PPP2R5C: variants seen among roughly 807,000 people sequenced by gnomAD.
PPP2R5C encodes serine/threonine-protein phosphatase 2A 56 kDa regulatory subunit gamma isoform.
Under a neutral mutation model 68.9 loss-of-function variants are expected in PPP2R5C, and 7 were observed. The observed-to-expected ratio is 0.10, with a 90% CI of 0.06 to 0.19. The LOEUF is 0.19. PPP2R5C is among the 10% of genes least tolerant of loss of function. The pLI is 1.00. For synonymous variants in PPP2R5C, 210 were observed against 222.2 expected (o/e 0.95, Z 0.49); for missense variants, 348 against 641.3 (o/e 0.54, Z 4.94).
chr14:101,858,022 A>C (rs919585267), intron 2 of PPP2R5C, among the ~76,000 whole-genome samples: 2 of 152,046 alleles, frequency 1.3e-5, no homozygotes, highest in African/African-American at 4.8e-5. Context: ...GTTGTTTTTA[A>C]CTCTTAAAGT....
At position 101,816,894 on chromosome 14, in the gene PPP2R5C, AT is replaced by A. The variant is rs1192861590; in HGVS notation, c.94+6859del. 3.2e-3 allele frequency among the ~76,000 whole-genome samples: 406 copies of A among 126,806 alleles called. 1 individual carries two copies. Among genetic ancestry groups the A allele is most frequent in the African/African-American group, 0.012 (366 of 29,926 alleles). 83.2% of individuals were successfully genotyped at this position (126,806 alleles called of 152,430 possible). A position where few individuals can be genotyped will look rare whatever the true frequency, so the allele number is the denominator to read the frequency against. On this transcript the variant is annotated intron_variant, in intron 1 of 13. Transcript: ENST00000334743. ...TTTATATATATATTATATATATATT[AT>A]ATAAATATATATATAATATATATAT...
At chr14:101,911,472 G>C (rs972835803) in intron 11 of PPP2R5C, among the ~76,000 whole-genome samples, 1 of 152,196 alleles carries the variant, frequency 6.6e-6, no homozygotes, top group Admixed American at 6.5e-5. Flanking sequence ...AGTGCAGTTC[G>C]CAGGTAGGAA....
In PPP2R5C at chr14:101,882,126, G is replaced by T; in HGVS notation, c.295-35G>T. On this transcript the variant is annotated intron_variant, in intron 2 of 13. Transcript: ENST00000334743. The surrounding 1 kb of genome is among the most constrained non-coding windows in gnomAD (Gnocchi z 4.9). ...AATGTTGTCTGTAAATATTTTAAAT[G>T]CCCTGATTGTAATTATAGAATATGT... 1.4e-6 allele frequency: 2 copies of T among 1,471,842 alleles called. No individual in the cohort carries two copies. Among genetic ancestry groups the T allele is most frequent in the Non-Finnish European group, 1.9e-6 (2 of 1,079,950 alleles). 91.2% of individuals were successfully genotyped at this position (1,471,842 alleles called of 1,614,324 possible). A position where few individuals can be genotyped will look rare whatever the true frequency, so the allele number is the denominator to read the frequency against.
chr14:101,764,675 G>A (rs2036757842), intron 2 of PPP2R5C, among the ~76,000 whole-genome samples: 1 of 152,126 alleles, frequency 6.6e-6, no homozygotes. Flanking sequence ...CTTTATAGCA[G>A]ACAACTGAGG....
chr14:101,917,495 C>G lies in PPP2R5C; in HGVS notation c.1327-336C>G, dbSNP rs564254954. Among the ~76,000 whole-genome samples, 1 of 152,148 alleles carries G rather than the reference C, an allele frequency of 6.6e-6. No individual in the cohort carries two copies. Among genetic ancestry groups the G allele is most frequent in the Non-Finnish European group, 1.5e-5 (1 of 68,012 alleles). On this transcript the variant is annotated intron_variant, in intron 12 of 13. Coordinates refer to ENST00000334743, the Ensembl canonical transcript of PPP2R5C. This position sits in a 1 kb window ranked among gnomAD's most constrained non-coding sequence, Gnocchi z 4.4. ...CCAGTGGTGAGACAGCTCCCACCAC[C>G]GAGCCCAGGGTGCGACCTCGCACTT...
At chr14:101,903,552 G>A (rs969199502) in intron 9 of PPP2R5C, among the ~76,000 whole-genome samples, 18 of 152,188 alleles carry the variant, frequency 1.2e-4, no homozygotes, top group African/African-American at 3.9e-4. Flanking sequence ...ACTCGCCCTC[G>A]TCTGTGTCCC....
rs201720963 is a variant in PPP2R5C at position 101,890,327 on chromosome 14, G to A, written c.689+31G>A. On this transcript the variant is annotated intron_variant, in intron 6 of 13. Transcript: ENST00000334743. ...CCTCTGTTATGGGTAGCAAACGGCT[G>A]TAGATGGAATTTATACCAGAGTGAT... The A allele has an allele frequency of 3.1e-4, 501 of 1,596,420 alleles. 5 individuals carry two copies. The East Asian group carries it at 8.9e-3, about 28-fold the overall frequency.
chr14:101,825,929 G>A lies in PPP2R5C; in HGVS notation c.94+15893G>A, dbSNP rs1234010209. On this transcript the variant is annotated intron_variant, in intron 1 of 13. Transcript: ENST00000334743. This position sits in a 1 kb window ranked among gnomAD's most constrained non-coding sequence, Gnocchi z 4.0. ...ATTGAGGGGGAACAATAAGTGACAA[G>A]CATGAAGAATGAAGAGGGAACTGAC... 6.6e-6 allele frequency among the ~76,000 whole-genome samples: 1 copy of A among 152,200 alleles called. No homozygotes were observed. Among genetic ancestry groups the A allele is most frequent in the Admixed American group, 6.5e-5 (1 of 15,278 alleles).
intron 2 of PPP2R5C, among the ~76,000 whole-genome samples, chr14:101,859,886 A>G (rs1296279518): frequency 2.7e-5 from 4 of 150,100 alleles, no homozygotes; most frequent in East Asian, 1.9e-4. Context: ...TATTTTGGTC[A>G]TAACAGTTTT....
intron 2 of PPP2R5C, chr14:101,765,127 C>G: frequency 2.8e-6 from 2 of 702,554 alleles, no homozygotes; most frequent in Middle Eastern, 4.6e-4. Context: ...GTATGATGCC[C>G]CACTTGTCTT....
At chr14:101,787,791 A>G (rs1468401585) in intron 3 of PPP2R5C, among the ~76,000 whole-genome samples, 1 of 149,318 alleles carries the variant, frequency 6.7e-6, no homozygotes, top group Admixed American at 6.7e-5. Context: ...AAAAAAATCC[A>G]GGTTCTCGCT....
intron 2 of PPP2R5C, among the ~76,000 whole-genome samples, chr14:101,785,677 C>T (rs1434893042): frequency 1.3e-5 from 2 of 152,182 alleles, no homozygotes; most frequent in Non-Finnish European, 2.9e-5. Context: ...GAGTCCCTGT[C>T]GCCAAGCAAG....
rs1261113942 is a variant in PPP2R5C at position 101,761,936 on chromosome 14, G to T, written c.27+16G>T. The T allele has an allele frequency of 8.4e-7, 1 of 1,191,224 alleles. No homozygotes were observed. Among genetic ancestry groups the T allele is most frequent in the African/African-American group, 1.6e-5 (1 of 62,084 alleles). 73.8% of individuals were successfully genotyped at this position (1,191,224 alleles called of 1,614,324 possible). On this transcript the variant is annotated intron_variant, in intron 1 of 14. Transcript: ENST00000328724. The stretch of plus-strand genomic sequence containing the variant: ...GAAGGAGAAAGTGAGTCCGGGCCCG[G>T]CCGCGGGACGGAGGGAGCAGGGAGG...
At chr14:101,893,921 T>A (rs866952557) in intron 7 of PPP2R5C, among the ~76,000 whole-genome samples, 1 of 152,230 alleles carries the variant, frequency 6.6e-6, no homozygotes, top group Non-Finnish European at 1.5e-5. Context: ...CACTTCCGGC[T>A]GTCACAGGGC....
Position 101,770,949 on chromosome 14 carries a change from A to G in PPP2R5C, c.93+7979A>G, listed in dbSNP as rs1369975577. 2.6e-5 allele frequency among the ~76,000 whole-genome samples: 4 copies of G among 152,234 alleles called. No individual in the cohort carries two copies. The East Asian group carries it at 7.7e-4, about 29-fold the overall frequency. On this transcript the variant is annotated intron_variant, in intron 2 of 14. Coordinates refer to the PPP2R5C transcript ENST00000328724. The stretch of plus-strand genomic sequence containing the variant: ...GAAGATGGGTCTCCAGTGTTTCCTT[A>G]AACACTGGGTACCTGCCAAAGGGCA...
intron 2 of PPP2R5C, among the ~76,000 whole-genome samples, chr14:101,865,879 G>A (rs914980000): frequency 3.9e-5 from 6 of 152,090 alleles, no homozygotes; most frequent in African/African-American, 1.2e-4. Context: ...TCTAATTCTC[G>A]CTCCAGACTC....
At chr14:101,808,395 TCTC>T (rs1490864156), upstream of PPP2R5C, among the ~76,000 whole-genome samples, 1 of 152,028 alleles carries the variant, frequency 6.6e-6, no homozygotes, top group Non-Finnish European at 1.5e-5. Context: ...AATCACATCA[TCTC>T]CTGGCCGGCC....
At chr14:101,763,095 G>A in intron 2 of PPP2R5C, 125 bp downstream of exon 2, 1 of 772,250 alleles carries the variant, frequency 1.3e-6, no homozygotes, top group East Asian at 2.7e-5. Flanking sequence ...TTTTTTTGTG[G>A]TGTCTTTTAT....
At position 101,904,687 on chromosome 14, in the gene PPP2R5C, AC is replaced by A. The variant is rs1402980420; in HGVS notation, c.1024-1712del. Among the ~76,000 whole-genome samples, 8 of 152,054 alleles carry A rather than the reference AC, an allele frequency of 5.3e-5. No homozygotes were observed. The East Asian group carries it at 1.5e-3, about 29-fold the overall frequency. On this transcript the variant is annotated intron_variant, in intron 9 of 13. Coordinates refer to ENST00000334743, the Ensembl canonical transcript of PPP2R5C. Reference sequence around the variant, plus strand: ...TCACCTGCCATTCTCTCAGCATCCCACCCATACACACCGCACCACAACCTCA... The same window carrying A: ...TCACCTGCCATTCTCTCAGCATCCCACCATACACACCGCACCACAACCTCA...
Sources: allele counts gnomAD v4.1 joint callset (sites outside exome capture counted in the v4.1 genomes callset), GRCh38; gene constraint gnomAD v4.1.1; non-coding constraint Gnocchi (gnomAD v3.1); transcripts MANE v1.5; gene names NCBI Gene and HGNC (gene_info 2026-07-23, HGNC 2026-07-21).